The following FOXF1 variants were observed in gnomAD, a reference collection of about 807,000 sequenced individuals.
FOXF1 encodes forkhead box protein F1.
FOXF1 carries 9 observed loss-of-function variants against 26.6 expected under a neutral mutation model. That is an observed-to-expected ratio of 0.34 (90% CI 0.20 to 0.59). The LOEUF (loss-of-function observed/expected upper bound fraction) is 0.59, where lower values mean the gene tolerates loss of function less well. FOXF1 is among the 20% of genes least tolerant of loss of function. The pLI is 0.83. For synonymous variants in FOXF1, 330 were observed against 257.7 expected (o/e 1.28, Z -2.69); for missense variants, 499 against 549.9 (o/e 0.91, Z 0.93).
chr16:86,513,154 T>G lies in FOXF1; in HGVS notation c.*69T>G. On this transcript the variant is annotated 3_prime_UTR_variant, in exon 2 of 2. Transcript: ENST00000262426. ...GGGACCCTGGACCGGCACAAGAAAC[T>G]GCTTTCTTCTCGAGGTATAACCGTC... 4 of 1,529,574 alleles carry G rather than the reference T, an allele frequency of 2.6e-6. No individual in the cohort carries two copies. The highest frequency in any genetic ancestry group is 2.7e-6 in the Non-Finnish European group (3 of 1,117,826). 94.8% of individuals were successfully genotyped at this position (1,529,574 alleles called of 1,614,324 possible).
In FOXF1 at chr16:86,513,496, C is replaced by T; in HGVS notation, c.*411C>T. 5.0e-6 allele frequency: 1 copy of T among 199,996 alleles called. No homozygotes were observed. The allele number at this position is 199,996 out of a possible 1,614,324, so 12.4% of individuals were successfully genotyped here. A position where few individuals can be genotyped will look rare whatever the true frequency, so the allele number is the denominator to read the frequency against. The stretch of plus-strand genomic sequence containing the variant: ...AGAAAAGCAAACATGTGAGACCAAT[C>T]ATTATCAAATACTTTTATTTTTTGG... On this transcript the variant is annotated 3_prime_UTR_variant, in exon 2 of 2. Transcript: ENST00000262426.
In FOXF1 at chr16:86,510,653, C is replaced by T. The variant is rs1199925857; in HGVS notation, c.84C>T (p.Pro28=). ...GGGGGGAAMD[P]ASSGPSKAKK... ...GGGGAGGCGGCGCGGCCATGGACCC[C>T]GCGTCGTCCGGCCCGTCCAAGGCCA... The change falls in exon 1 of 2, where the codon CCC becomes CCT. Residue 28 remains proline, a synonymous_variant. Transcript: ENST00000262426. 6 of 1,599,766 alleles carry T rather than the reference C, an allele frequency of 3.8e-6. No homozygotes were observed. The highest frequency in any genetic ancestry group is 1.3e-5 in the African/African-American group (1 of 74,512).
rs1446841807 is a variant in FOXF1 at position 86,515,346 on chromosome 16, T to G, written c.*2261T>G. On this transcript the variant is annotated 3_prime_UTR_variant, in exon 2 of 2. Coordinates refer to ENST00000262426, the MANE Select transcript of FOXF1 (RefSeq NM_001451.3). The surrounding 1 kb of genome is among the most constrained non-coding windows in gnomAD (Gnocchi z 4.1). ...CTTCTCAGAGTTGACATTTTGGACG[T>G]GGGGGTAATTTCTCCGGTGCTCTGT... 3 of 152,140 alleles carry G rather than the reference T, an allele frequency of 2.0e-5. No individual in the cohort carries two copies. Among genetic ancestry groups the G allele is most frequent in the Non-Finnish European group, 4.4e-5 (3 of 68,028 alleles). 9.4% of individuals were successfully genotyped at this position (152,140 alleles called of 1,614,324 possible).
rs1597293345 is a variant in FOXF1, at chr16:86,514,564, A to G, written c.*1479A>G. On this transcript the variant is annotated 3_prime_UTR_variant, in exon 2 of 2. Coordinates refer to ENST00000262426, the MANE Select transcript of FOXF1 (RefSeq NM_001451.3). ...ATCTCTAGACGCTTAAAAATTTACA[A>G]TCTGGGTGATTCTGAGTACTTTTTT... 6.6e-6 allele frequency: 1 copy of G among 152,264 alleles called. No individual in the cohort carries two copies. The highest frequency in any genetic ancestry group is 2.4e-5 in the African/African-American group (1 of 41,562). The allele number at this position is 152,264 out of a possible 1,614,324, so 9.4% of individuals were successfully genotyped here.
Position 86,510,540 on chromosome 16 carries a change from G to A in FOXF1, c.-30G>A. ...CCCGTCCGCGGCGCAGAGCAGCGGC[G>A]GCAGCGGCGGCGGCGGCAGCAGCCA... On this transcript the variant is annotated 5_prime_UTR_variant, in exon 1 of 2. Transcript: ENST00000262426. The A allele has an allele frequency of 7.7e-7, 1 of 1,296,196 alleles. No individual in the cohort carries two copies. The highest frequency in any genetic ancestry group is 2.4e-5 in the South Asian group (1 of 42,022). The allele number at this position is 1,296,196 out of a possible 1,614,324, so 80.3% of individuals were successfully genotyped here. A position where few individuals can be genotyped will look rare whatever the true frequency, so the allele number is the denominator to read the frequency against.
rs142129039 is a variant in FOXF1 at position 86,513,839 on chromosome 16, T to C, written c.*754T>C. ...TCCTTCGCTTCAGCCTCTTCTGTTA[T>C]GTTTTGTCTTGAATTTTATTTAGAC... On this transcript the variant is annotated 3_prime_UTR_variant, in exon 2 of 2. Coordinates refer to ENST00000262426, the MANE Select transcript of FOXF1 (RefSeq NM_001451.3). The C allele has an allele frequency of 9.8e-3, 1,496 of 152,424 alleles. 17 individuals carry two copies. The highest frequency in any genetic ancestry group is 0.017 in the Non-Finnish European group (1,136 of 68,052). The allele number at this position is 152,424 out of a possible 1,614,324, so 9.4% of individuals were successfully genotyped here.
At chr16:86,512,618 C>T (rs1567511621) in intron 1 of FOXF1, among the ~76,000 whole-genome samples, 1 of 152,250 alleles carries the variant, frequency 6.6e-6, no homozygotes, top group African/African-American at 2.4e-5. Flanking sequence ...CACTTGGTCT[C>T]CCTCACCACT....
rs943601140 is a variant in FOXF1, at chr16:86,514,118, T to C, written c.*1033T>C. 3 of 152,262 alleles carry C rather than the reference T, an allele frequency of 2.0e-5. 1 individual carries two copies. Among genetic ancestry groups the C allele is most frequent in the Non-Finnish European group, 4.4e-5 (3 of 68,046 alleles). The allele number at this position is 152,262 out of a possible 1,614,324, so 9.4% of individuals were successfully genotyped here. A position where few individuals can be genotyped will look rare whatever the true frequency, so the allele number is the denominator to read the frequency against. On this transcript the variant is annotated 3_prime_UTR_variant, in exon 2 of 2. Coordinates refer to ENST00000262426, the MANE Select transcript of FOXF1 (RefSeq NM_001451.3). ...TTTATCAGTATTAATGGTGTAACTT[T>C]GTTGGCAATATTTGCCGTGTAGAAT...
chr16:86,513,127 C>T lies in FOXF1; in HGVS notation c.*42C>T. The T allele has an allele frequency of 6.2e-7, 1 of 1,600,768 alleles. No homozygotes were observed. The highest frequency in any genetic ancestry group is 8.5e-7 in the Non-Finnish European group (1 of 1,176,042). ...CCTCCTGGTGCAGGCAGGCGGGTCA[C>T]AGGGACCCTGGACCGGCACAAGAAA... On this transcript the variant is annotated 3_prime_UTR_variant, in exon 2 of 2. Transcript: ENST00000262426.
In FOXF1 at chr16:86,513,042, A is replaced by G; in HGVS notation, c.1097A>G (p.His366Arg). Residue 366 changes from histidine (H) to arginine (R), a missense_variant, in exon 2 of 2, where the codon CAC becomes CGC. Around this residue, in one of 5 missense-constraint regions of FOXF1, gnomAD observed 367 missense variants for 324.8 expected, o/e 1.13. Coordinates refer to ENST00000262426, the MANE Select transcript of FOXF1 (RefSeq NM_001451.3). ...TCGGCCGGCGGGGGCTCCTACTACC[A>G]CCAGCAGGTCACCTACCAAGACATC... ...MHSAGGGSYY[H>R]QQVTYQDIKP... The G allele has an allele frequency of 6.2e-7, 1 of 1,613,128 alleles. No individual in the cohort carries two copies. The highest frequency in any genetic ancestry group is 8.5e-7 in the Non-Finnish European group (1 of 1,180,010).
At position 86,512,969 on chromosome 16, in the gene FOXF1, A is replaced by G; in HGVS notation, c.1024A>G (p.Lys342Glu). The G allele has an allele frequency of 6.2e-7, 1 of 1,614,152 alleles. No individual in the cohort carries two copies. The highest frequency in any genetic ancestry group is 8.5e-7 in the Non-Finnish European group (1 of 1,180,030). The change falls in exon 2 of 2, where the codon AAG becomes GAG. Residue 342 changes from lysine to glutamate, a missense_variant. By Grantham distance (56) the Lys-to-Glu change is moderately conservative. Transcript: ENST00000262426. ...HSQSPSMCDR[K>E]EFVFSFNAMA... is the part of the protein sequence containing the mutation. ...GCAGTCGCCCAGCATGTGTGACCGA[A>G]AGGAGTTTGTCTTCTCTTTCAACGC...
In FOXF1 at chr16:86,514,055, C is replaced by G. The variant is rs1356079266; in HGVS notation, c.*970C>G. 1.3e-5 allele frequency: 2 copies of G among 152,226 alleles called. No individual in the cohort carries two copies. Among genetic ancestry groups the G allele is most frequent in the Non-Finnish European group, 2.9e-5 (2 of 68,042 alleles). The allele number at this position is 152,226 out of a possible 1,614,324, so 9.4% of individuals were successfully genotyped here. ...GGCTCCTGTTTATTTATTCTACTTT[C>G]TTTCCCTAATAATCAAAACACCGCG... On this transcript the variant is annotated 3_prime_UTR_variant, in exon 2 of 2. Transcript: ENST00000262426.
Position 86,510,653 on chromosome 16 carries a change from C to A in FOXF1, c.84C>A (p.Pro28=). 1.3e-6 allele frequency: 2 copies of A among 1,599,766 alleles called. No individual in the cohort carries two copies. The highest frequency in any genetic ancestry group is 2.3e-5 in the East Asian group (1 of 44,224). Residue 28 remains proline (P), a synonymous_variant, in exon 1 of 2, where the codon CCC becomes CCA. Coordinates refer to ENST00000262426, the MANE Select transcript of FOXF1 (RefSeq NM_001451.3). ...GGGGAGGCGGCGCGGCCATGGACCC[C>A]GCGTCGTCCGGCCCGTCCAAGGCCA... is the stretch of plus-strand genomic sequence containing the variant. The part of the protein sequence containing the change: ...GGGGGGAAMD[P]ASSGPSKAKK...
rs1287705171 is a variant in FOXF1, at chr16:86,511,522, G to A, written c.953G>A (p.Ser318Asn). 2 of 1,587,270 alleles carry A rather than the reference G, an allele frequency of 1.3e-6. No individual in the cohort carries two copies. The highest frequency in any genetic ancestry group is 1.1e-5 in the South Asian group (1 of 89,116). Residue 318 changes from serine to asparagine, a missense_variant, in exon 1 of 2, where the codon AGC becomes AAC. Ser to Asn is a conservative substitution (Grantham distance 46). Coordinates refer to ENST00000262426, the MANE Select transcript of FOXF1 (RefSeq NM_001451.3). Reference protein sequence around the residue: ...SLEQPYLHQNSHNAPAELQGI... With the variant: ...SLEQPYLHQNNHNAPAELQGI... ...GAGCAGCCGTATCTGCACCAGAACA[G>A]CCACAACGCCCCAGCCGAGCTGCAA...
chr16:86,511,621 C>T (rs1331618555), intron 1 of FOXF1, 73 bp downstream of exon 1: 40 of 1,534,254 alleles, frequency 2.6e-5, no homozygotes, highest in Non-Finnish European at 3.3e-5. Context: ...CCAGCTGGGG[C>T]GAGCCCCTCC....
At position 86,513,210 on chromosome 16, in the gene FOXF1, A is replaced by T; in HGVS notation, c.*125A>T. ...AAGAAAAGGGTTCCACCTCTCCCCAACCGGAGTTTTTGGCAAGGAGTCCCC... is the reference window on the plus strand; with the variant it reads ...AAGAAAAGGGTTCCACCTCTCCCCATCCGGAGTTTTTGGCAAGGAGTCCCC... On this transcript the variant is annotated 3_prime_UTR_variant, in exon 2 of 2. Coordinates refer to ENST00000262426, the MANE Select transcript of FOXF1 (RefSeq NM_001451.3). The T allele has an allele frequency of 1.9e-6, 2 of 1,050,582 alleles. No individual in the cohort carries two copies. The highest frequency in any genetic ancestry group is 2.8e-6 in the Non-Finnish European group (2 of 721,968). 65.1% of individuals were successfully genotyped at this position (1,050,582 alleles called of 1,614,324 possible).
chr16:86,513,176 C>A lies in FOXF1; in HGVS notation c.*91C>A. The A allele has an allele frequency of 7.1e-7, 1 of 1,410,836 alleles. No homozygotes were observed. Among genetic ancestry groups the A allele is most frequent in the Non-Finnish European group, 9.8e-7 (1 of 1,023,308 alleles). 87.4% of individuals were successfully genotyped at this position (1,410,836 alleles called of 1,614,324 possible). On this transcript the variant is annotated 3_prime_UTR_variant, in exon 2 of 2. Transcript: ENST00000262426. Reference sequence around the variant, plus strand: ...AACTGCTTTCTTCTCGAGGTATAACCGTCGGCAGAAGAAAAGGGTTCCACC... The same window carrying A: ...AACTGCTTTCTTCTCGAGGTATAACAGTCGGCAGAAGAAAAGGGTTCCACC...
Position 86,513,093 on chromosome 16 carries a change from G to C in FOXF1, c.*8G>C, listed in dbSNP as rs750231814. ...AAGCCTTGCGTGATGTGAGGCTGCC[G>C]CCGCAGGCCCTCCTGGTGCAGGCAG... On this transcript the variant is annotated 3_prime_UTR_variant, in exon 2 of 2. Coordinates refer to ENST00000262426, the MANE Select transcript of FOXF1 (RefSeq NM_001451.3). 2 of 1,609,660 alleles carry C rather than the reference G, an allele frequency of 1.2e-6. No individual in the cohort carries two copies. The highest frequency in any genetic ancestry group is 1.7e-6 in the Non-Finnish European group (2 of 1,179,848).
rs1969543794 is a variant in FOXF1 at position 86,510,565 on chromosome 16, A to C, written c.-5A>C. 1.5e-6 allele frequency: 2 copies of C among 1,344,388 alleles called. No homozygotes were observed. Among genetic ancestry groups the C allele is most frequent in the Admixed American group, 3.5e-5 (1 of 28,546 alleles). 83.3% of individuals were successfully genotyped at this position (1,344,388 alleles called of 1,614,324 possible). On this transcript the variant is annotated 5_prime_UTR_variant, in exon 1 of 2. Transcript: ENST00000262426. ...GGCAGCGGCGGCGGCGGCAGCAGCC[A>C]CCCGATGTCTTCGGCGCCCGAGAAG...
Sources: gnomAD v4.1 joint callset for allele counts (sites outside exome capture counted in the v4.1 genomes callset) on GRCh38, gnomAD v4.1.1 for gene constraint, gnomAD v4.1.1 regional missense constraint, Gnocchi (gnomAD v3.1) non-coding constraint, MANE v1.5 for transcripts, NCBI Gene and HGNC (gene_info 2026-07-23, HGNC 2026-07-21) for gene names.